Variants in EPB41L4A observed in about 807,000 individuals in gnomAD.
The protein encoded by EPB41L4A is band 4.1-like protein 4A.
In EPB41L4A, 100 loss-of-function variants were observed where a neutral mutation model predicts 108.6. The ratio of observed to expected loss-of-function variants is 0.92; its 90% CI spans 0.78 to 1.09. The LOEUF is 1.09. EPB41L4A is among the 50% of genes least tolerant of loss of function. The pLI, the probability that EPB41L4A is intolerant of heterozygous loss-of-function variation, is 0.00. For synonymous variants in EPB41L4A, 319 were observed against 289.0 expected (o/e 1.10, Z -1.05); for missense variants, 1,030 against 842.7 (o/e 1.22, Z -2.75).
chr5:112,362,126 C>T (rs1239398972), intron 1 of EPB41L4A, among the ~76,000 whole-genome samples: 1 of 152,114 alleles, frequency 6.6e-6, no homozygotes, highest in Non-Finnish European at 1.5e-5. Flanking sequence ...GAGACAGGAT[C>T]TCATTCTGTC....
At chr5:112,415,342 G>C (rs762231762) in intron 1 of EPB41L4A, among the ~76,000 whole-genome samples, 4 of 152,084 alleles carry the variant, frequency 2.6e-5, no homozygotes, top group Non-Finnish European at 5.9e-5. Context: ...CCATTTAAAA[G>C]AAGGTAATGG....
intron 1 of EPB41L4A, among the ~76,000 whole-genome samples, chr5:112,356,533 T>G (rs528507262): frequency 6.6e-5 from 10 of 152,342 alleles, no homozygotes; most frequent in African/African-American, 2.2e-4. Context: ...AGAAAGTGCT[T>G]TAATAATATG....
rs1353721068 is a variant in EPB41L4A, at chr5:112,165,090, A to T, written c.1961T>A (p.Met654Lys). The change falls in exon 23 of 23, where the codon ATG becomes AAG. Residue 654 changes from methionine to lysine, a missense_variant. Met to Lys is a moderately conservative substitution (Grantham distance 95). Transcript: ENST00000261486. ...QRRNGSKDSL[M>K]EEKPQTSTNN... ...TGTAGATGTCTGAGGTTTTTCTTCC[A>T]TCAGGCTATCTTTAGACCCATTTCT... The T allele has an allele frequency of 6.3e-7, 1 of 1,597,502 alleles. No individual in the cohort carries two copies. Among genetic ancestry groups the T allele is most frequent in the Admixed American group, 1.7e-5 (1 of 57,752 alleles).
At chr5:112,375,327 A>G (rs565358504) in intron 1 of EPB41L4A, among the ~76,000 whole-genome samples, 1 of 134,620 alleles carries the variant, frequency 7.4e-6, no homozygotes, top group African/African-American at 3.9e-5. Flanking sequence ...TCTCTCGCAC[A>G]CACACACATA....
intron 12 of EPB41L4A, among the ~76,000 whole-genome samples, chr5:112,229,105 G>C (rs1294560985): frequency 6.6e-6 from 1 of 152,084 alleles, no homozygotes; most frequent in Non-Finnish European, 1.5e-5. Flanking sequence ...AAAAAGAAAG[G>C]TCTTCTAAAG....
chr5:112,258,867 T>C (rs773121777), intron 9 of EPB41L4A, among the ~76,000 whole-genome samples: 3 of 152,226 alleles, frequency 2.0e-5, no homozygotes, highest in South Asian at 2.1e-4. Context: ...AAAATTAGAA[T>C]GCATTTTGGC....
rs145448581 is a variant in EPB41L4A, at chr5:112,181,132, G to C, written c.1622+2884C>G. 4.8e-3 allele frequency among the ~76,000 whole-genome samples: 727 copies of C among 152,218 alleles called. 5 individuals are homozygous for C. Among genetic ancestry groups the C allele is most frequent in the African/African-American group, 0.016 (676 of 41,524 alleles). ...AGTATAAAATGACCCAACCTTTCTGGAAATCATTTTGGTAATTCCTTATAA... is the reference window on the plus strand; with the variant it reads ...AGTATAAAATGACCCAACCTTTCTGCAAATCATTTTGGTAATTCCTTATAA... On this transcript the variant is annotated intron_variant, in intron 18 of 22. Transcript: ENST00000261486.
At chr5:112,315,571 C>T (rs551510261) in intron 1 of EPB41L4A, among the ~76,000 whole-genome samples, 2 of 152,222 alleles carry the variant, frequency 1.3e-5, no homozygotes, top group South Asian at 4.1e-4. Flanking sequence ...TCACCTGATA[C>T]ACAGAGATTC....
At chr5:112,345,620 G>GT (rs546119910) in intron 1 of EPB41L4A, among the ~76,000 whole-genome samples, 12 of 152,118 alleles carry the variant, frequency 7.9e-5, no homozygotes, top group South Asian at 4.2e-4. Context: ...ATACAGTTTG[G>GT]TGAGTTTCAA....
intron 4 of EPB41L4A, among the ~76,000 whole-genome samples, chr5:112,268,693 A>T (rs1036252531): frequency 4.6e-5 from 7 of 151,830 alleles, no homozygotes; most frequent in African/African-American, 1.7e-4. Context: ...TCTACAAAAA[A>T]CAAATTAGCC....
At chr5:112,384,037 T>C (rs1760340192) in intron 1 of EPB41L4A, among the ~76,000 whole-genome samples, 1 of 152,196 alleles carries the variant, frequency 6.6e-6, no homozygotes, top group Admixed American at 6.5e-5. Flanking sequence ...TATGATTCCA[T>C]TTATATGAAG....
intron 6 of EPB41L4A, chr5:112,263,274 G>A (rs1331980866): frequency 6.6e-6 from 1 of 152,162 alleles, no homozygotes; most frequent in African/African-American, 2.4e-5. Flanking sequence ...GAGAGGGATT[G>A]AGATTTTAAT....
chr5:112,163,919 A>T lies in EPB41L4A; in HGVS notation c.*1071T>A, dbSNP rs1048957649. The T allele has an allele frequency of 6.6e-6, 1 of 152,404 alleles. No individual in the cohort carries two copies. Among genetic ancestry groups the T allele is most frequent in the African/African-American group, 2.4e-5 (1 of 41,450 alleles). The allele number at this position is 152,404 out of a possible 1,614,324, so 9.4% of individuals were successfully genotyped here. ...CCAAAGCACAGGTGGAGAGACAAAA[A>T]GGTTAGGGCTGCTGGCAGCTGTGGA... On this transcript the variant is annotated 3_prime_UTR_variant, in exon 23 of 23. Transcript: ENST00000261486.
At chr5:112,263,257 A>T (rs573387546) in intron 6 of EPB41L4A, among the ~76,000 whole-genome samples, 14 of 151,784 alleles carry the variant, frequency 9.2e-5, no homozygotes, top group East Asian at 3.9e-4. Context: ...TGAGTGTGTG[A>T]GAGAGAGAGA....
chr5:112,321,773 G>T lies in EPB41L4A; in HGVS notation c.100-14283C>A, dbSNP rs115103307. On this transcript the variant is annotated intron_variant, in intron 1 of 22. Transcript: ENST00000261486. ...GTAGATGCCAAAATTTGCTGCAAAA[G>T]TTCCAATGCATAGGTGTATTTAACC... Among the ~76,000 whole-genome samples the T allele has an allele frequency of 7.4e-3, 1,129 of 152,280 alleles. 10 individuals are homozygous for T. The highest frequency in any genetic ancestry group is 0.026 in the African/African-American group (1,076 of 41,566).
chr5:112,357,350 T>C (rs1413817076), intron 1 of EPB41L4A, among the ~76,000 whole-genome samples: 1 of 147,780 alleles, frequency 6.8e-6, no homozygotes, highest in Non-Finnish European at 1.5e-5. Context: ...GGTTGGGCCT[T>C]TACAGAAATG....
At chr5:112,353,357 G>A (rs183748322) in intron 1 of EPB41L4A, among the ~76,000 whole-genome samples, 12 of 152,340 alleles carry the variant, frequency 7.9e-5, no homozygotes, top group Admixed American at 3.9e-4. Context: ...CTTGGGTGCC[G>A]GCAGTGGCGG....
At chr5:112,339,475 T>TAG (rs1491214245) in intron 1 of EPB41L4A, among the ~76,000 whole-genome samples, 11 of 10,202 alleles carry the variant, frequency 1.1e-3, no homozygotes, top group African/African-American at 2.7e-3. Flanking sequence ...TATATATATC[T>TAG]ATATATATAT....
intron 1 of EPB41L4A, among the ~76,000 whole-genome samples, chr5:112,414,700 C>A (rs1472481858): frequency 3.3e-5 from 5 of 152,186 alleles, no homozygotes; most frequent in Admixed American, 2.6e-4. Context: ...CCCCCTTAAA[C>A]AGTTATTAAA....
Sources: gnomAD v4.1 joint callset for allele counts (sites outside exome capture counted in the v4.1 genomes callset) on GRCh38, gnomAD v4.1.1 for gene constraint, MANE v1.5 for transcripts, NCBI Gene and HGNC (gene_info 2026-07-23, HGNC 2026-07-21) for gene names.